The following DLG2 variants were observed in gnomAD, a reference collection of about 807,000 sequenced individuals.
The protein encoded by DLG2 is disks large homolog 2.
In DLG2, 45 loss-of-function variants were observed where a neutral mutation model predicts 132.5. That is an observed-to-expected ratio of 0.34 (90% confidence interval 0.27 to 0.44). The LOEUF (loss-of-function observed/expected upper bound fraction) is 0.44. Among genes scored for constraint, DLG2 ranks in the 20% least tolerant of loss-of-function variants. The pLI is 1.00. For synonymous variants in DLG2, 424 were observed against 419.6 expected (o/e 1.01, Z -0.13); for missense variants, 1,045 against 1,196.9 (o/e 0.87, Z 1.87).
intron 6 of DLG2, among the ~76,000 whole-genome samples, chr11:84,970,348 AGATGCTCAAG>A (rs1429337201): frequency 1.3e-5 from 2 of 152,086 alleles, no homozygotes; most frequent in Non-Finnish European, 2.9e-5. Flanking sequence ...ATACATCTAC[AGATGCTCAAG>A]GATTCCATCT....
intron 6 of DLG2, among the ~76,000 whole-genome samples, chr11:84,702,404 A>G (rs936397132): frequency 2.6e-5 from 4 of 151,688 alleles, no homozygotes; most frequent in African/African-American, 9.7e-5. Flanking sequence ...CTTACTGTGC[A>G]AATGGACTTA....
chr11:84,880,071 A>T (rs2087045585), intron 6 of DLG2, among the ~76,000 whole-genome samples: 1 of 152,162 alleles, frequency 6.6e-6, no homozygotes, highest in African/African-American at 2.4e-5. Context: ...TATTAATATG[A>T]ATCACTTGGG....
intron 4 of DLG2, among the ~76,000 whole-genome samples, chr11:85,178,914 G>A (rs1342739070): frequency 6.6e-6 from 1 of 151,802 alleles, no homozygotes; most frequent in African/African-American, 2.4e-5. Context: ...ATCATGAAAG[G>A]AGGATGAAGA....
At chr11:84,987,741 C>G (rs1167357137) in intron 6 of DLG2, among the ~76,000 whole-genome samples, 1 of 152,056 alleles carries the variant, frequency 6.6e-6, no homozygotes, top group Non-Finnish European at 1.5e-5. Flanking sequence ...ACTGGATCCT[C>G]ATATCTCACC....
intron 6 of DLG2, among the ~76,000 whole-genome samples, chr11:85,101,748 C>A (rs1167727181): frequency 6.6e-6 from 1 of 152,060 alleles, no homozygotes; most frequent in Non-Finnish European, 1.5e-5. Flanking sequence ...ACGAAACCAT[C>A]TCTGGGAGAA....
chr11:85,467,083 G>A (rs1253216111), intron 3 of DLG2, among the ~76,000 whole-genome samples: 1 of 152,132 alleles, frequency 6.6e-6, no homozygotes, highest in Non-Finnish European at 1.5e-5. Context: ...CTGTGAATGG[G>A]AGTTCACTCA....
intron 4 of DLG2, among the ~76,000 whole-genome samples, chr11:85,206,071 T>C (rs1015772096): frequency 2.0e-5 from 3 of 152,136 alleles, no homozygotes; most frequent in Non-Finnish European, 4.4e-5. Flanking sequence ...CCTACTGTAC[T>C]ATCCTCAAGA....
intron 9 of DLG2, among the ~76,000 whole-genome samples, chr11:84,100,383 C>A (rs1489400223): frequency 1.3e-5 from 2 of 149,554 alleles, no homozygotes; most frequent in Non-Finnish European, 3.0e-5. Flanking sequence ...TAAAAGTCCC[C>A]CCAAATCCAC....
At chr11:83,944,236 C>T (rs910974364) in intron 14 of DLG2, among the ~76,000 whole-genome samples, 4 of 152,192 alleles carry the variant, frequency 2.6e-5, no homozygotes, top group Admixed American at 6.5e-5. Context: ...ATGGCTTTCC[C>T]GTTTATGCTC....
Position 83,585,918 on chromosome 11 carries a change from G to T in DLG2, c.1941-44060C>A, listed in dbSNP as rs184032954. On this transcript the variant is annotated intron_variant, in intron 19 of 27. Coordinates refer to ENST00000376104, the MANE Select transcript of DLG2 (RefSeq NM_001142699.3). ...CTTGGGAAACCTGACAATGCCTGAAGAAAAAAGAGAAGAGATAGAAGAAAT... is the reference window on the plus strand; with the variant it reads ...CTTGGGAAACCTGACAATGCCTGAATAAAAAAGAGAAGAGATAGAAGAAAT... Among the ~76,000 whole-genome samples the T allele has an allele frequency of 8.1e-4, 123 of 152,070 alleles. 1 individual carries two copies. The highest frequency in any genetic ancestry group is 6.8e-3 in the Middle Eastern group (2 of 294).
chr11:84,726,269 C>A (rs911999244), intron 6 of DLG2, among the ~76,000 whole-genome samples: 1 of 152,120 alleles, frequency 6.6e-6, no homozygotes, highest in African/African-American at 2.4e-5. Flanking sequence ...TCCCATACCC[C>A]CTACCCCCAG....
chr11:84,345,614 G>T (rs2098535985), intron 7 of DLG2, among the ~76,000 whole-genome samples: 1 of 152,152 alleles, frequency 6.6e-6, no homozygotes, highest in Non-Finnish European at 1.5e-5. Flanking sequence ...AGTGAAGATG[G>T]TGTCACAATC....
intron 7 of DLG2, among the ~76,000 whole-genome samples, chr11:84,297,846 T>G (rs1320574284): frequency 3.3e-5 from 5 of 152,056 alleles, no homozygotes; most frequent in Admixed American, 2.6e-4. Flanking sequence ...TAATAACTTG[T>G]CAAACTTTTT....
chr11:83,900,928 C>T (rs1226305814), intron 15 of DLG2, among the ~76,000 whole-genome samples: 1 of 152,162 alleles, frequency 6.6e-6, no homozygotes, highest in East Asian at 1.9e-4. Context: ...AGGCTGTACC[C>T]TGCAAAGCTA....
intron 10 of DLG2, among the ~76,000 whole-genome samples, chr11:84,071,930 G>A (rs2096763420): frequency 2.0e-5 from 3 of 152,296 alleles, no homozygotes; most frequent in Non-Finnish European, 4.4e-5. Context: ...ACCCTTCAGA[G>A]GGCTCTGAGG....
intron 7 of DLG2, among the ~76,000 whole-genome samples, chr11:84,335,207 A>AAAGGAATGAAGGAAGGG (rs530555335): frequency 3.3e-5 from 5 of 149,342 alleles, no homozygotes; most frequent in East Asian, 2.0e-4. Flanking sequence ...AAGGGAAAGG[A>AAAGGAATGAAGGAAGGG]AAGGAATGAA....
chr11:85,127,248 C>A (rs2152392887), intron 5 of DLG2, among the ~76,000 whole-genome samples: 1 of 132,476 alleles, frequency 7.5e-6, no homozygotes, highest in South Asian at 3.0e-4. Flanking sequence ...CCCCGCCCCC[C>A]ACCCACTCTC....
intron 18 of DLG2, among the ~76,000 whole-genome samples, chr11:83,663,282 G>A (rs1014995958): frequency 6.6e-6 from 1 of 152,176 alleles, no homozygotes; most frequent in Non-Finnish European, 1.5e-5. Flanking sequence ...GCCCTGGACT[G>A]TCTAATTCCC....
intron 6 of DLG2, among the ~76,000 whole-genome samples, chr11:84,680,556 AT>A (rs767119581): frequency 1.3e-5 from 2 of 152,164 alleles, no homozygotes; most frequent in Admixed American, 6.5e-5. Flanking sequence ...AGAGCTTGGC[AT>A]TTCTTCACTT....
Sources: gnomAD v4.1 joint callset for allele counts (sites outside exome capture counted in the v4.1 genomes callset) on GRCh38, gnomAD v4.1.1 for gene constraint, MANE v1.5 for transcripts, NCBI Gene and HGNC (gene_info 2026-07-23, HGNC 2026-07-21) for gene names.